FHIT: variants seen among roughly 807,000 people sequenced by gnomAD.
FHIT encodes fragile histidine triad diadenosine triphosphatase.
In FHIT, 19 loss-of-function variants were observed where a neutral mutation model predicts 17.9. The observed-to-expected ratio is 1.06, with a 90% CI of 0.74 to 1.56. FHIT has a LOEUF of 1.56. Ranked by LOEUF, FHIT falls within the 40% of genes most tolerant of loss-of-function variation. FHIT has a pLI of 0.00. For synonymous variants in FHIT, 81 were observed against 69.7 expected (o/e 1.16, Z -0.81); for missense variants, 248 against 189.2 (o/e 1.31, Z -1.82).
At chr3:60,509,034 T>C (rs1454706850) in intron 5 of FHIT, among the ~76,000 whole-genome samples, 1 of 152,166 alleles carries the variant, frequency 6.6e-6, no homozygotes, top group Non-Finnish European at 1.5e-5. Context: ...CTTCTCTTCC[T>C]ATATTCCCAC....
chr3:60,595,339 T>C (rs573685822), intron 4 of FHIT, among the ~76,000 whole-genome samples: 21 of 150,312 alleles, frequency 1.4e-4, no homozygotes, highest in African/African-American at 3.9e-4. Flanking sequence ...CAGAAGGCAA[T>C]TGTACAGGAT....
At chr3:60,140,385 A>G (rs1003400310) in intron 5 of FHIT, among the ~76,000 whole-genome samples, 1 of 152,012 alleles carries the variant, frequency 6.6e-6, no homozygotes, top group African/African-American at 2.4e-5. Context: ...TGGATCAATG[A>G]AAGTTCTCCG....
chr3:60,372,067 C>A (rs1165013448), intron 5 of FHIT, among the ~76,000 whole-genome samples: 1 of 152,122 alleles, frequency 6.6e-6, no homozygotes, highest in African/African-American at 2.4e-5. Flanking sequence ...TACATCACTG[C>A]ATTGTGGCGG....
chr3:60,260,951 C>T (rs555263024), intron 5 of FHIT, among the ~76,000 whole-genome samples: 2 of 152,102 alleles, frequency 1.3e-5, no homozygotes, highest in South Asian at 4.1e-4. Flanking sequence ...CTGGAAGTTA[C>T]ACTATATGGT....
At chr3:60,071,257 G>A (rs1240382447) in intron 5 of FHIT, among the ~76,000 whole-genome samples, 1 of 152,112 alleles carries the variant, frequency 6.6e-6, no homozygotes, top group Non-Finnish European at 1.5e-5. Context: ...GAAACAGAAG[G>A]TGAAAGAATC....
At chr3:59,932,273 A>AT (rs1205497782) in intron 7 of FHIT, among the ~76,000 whole-genome samples, 12 of 152,106 alleles carry the variant, frequency 7.9e-5, no homozygotes, top group African/African-American at 2.9e-4. Flanking sequence ...GTTATTTTTT[A>AT]TTTTTTATTT....
At chr3:59,873,491 T>G (rs1195999359) in intron 8 of FHIT, among the ~76,000 whole-genome samples, 1 of 152,222 alleles carries the variant, frequency 6.6e-6, no homozygotes, top group Non-Finnish European at 1.5e-5. Flanking sequence ...AGCCCCATTC[T>G]AATTGTTTCA....
intron 8 of FHIT, among the ~76,000 whole-genome samples, chr3:59,856,773 T>C (rs1267570380): frequency 6.6e-6 from 1 of 151,936 alleles, no homozygotes; most frequent in African/African-American, 2.4e-5. Context: ...ATTAAGGAAG[T>C]AAACAATATA....
chr3:60,434,314 A>G (rs556021100), intron 5 of FHIT, among the ~76,000 whole-genome samples: 4 of 152,148 alleles, frequency 2.6e-5, no homozygotes, highest in Non-Finnish European at 5.9e-5. Flanking sequence ...AAGTAAATCC[A>G]TATGTGAATA....
intron 5 of FHIT, among the ~76,000 whole-genome samples, chr3:60,142,900 G>C (rs145726766): frequency 1.3e-5 from 2 of 151,984 alleles, no homozygotes; most frequent in Non-Finnish European, 2.9e-5. Context: ...AACAAGATAA[G>C]AATATTTAAG....
intron 5 of FHIT, among the ~76,000 whole-genome samples, chr3:60,221,648 A>G (rs1703965711): frequency 1.3e-5 from 2 of 152,214 alleles, no homozygotes; most frequent in Admixed American, 1.3e-4. Flanking sequence ...ACTAAACCTG[A>G]AACACGGCGC....
chr3:60,108,847 G>A (rs1486598381), intron 5 of FHIT, among the ~76,000 whole-genome samples: 1 of 152,022 alleles, frequency 6.6e-6, no homozygotes, highest in Non-Finnish European at 1.5e-5. Flanking sequence ...ATTTGTAGTA[G>A]AGACGGGGTT....
At chr3:60,916,429 T>C (rs1302596873) in intron 3 of FHIT, among the ~76,000 whole-genome samples, 3 of 152,220 alleles carry the variant, frequency 2.0e-5, no homozygotes, top group Admixed American at 6.5e-5. Context: ...CAAAAGTTCA[T>C]CATTTTTCTG....
intron 7 of FHIT, among the ~76,000 whole-genome samples, chr3:60,010,981 G>A (rs1291158889): frequency 6.6e-6 from 1 of 152,182 alleles, no homozygotes; most frequent in Non-Finnish European, 1.5e-5. Context: ...AGCAAAAGCA[G>A]ACTATGTCAA....
rs1559619695 is a variant in FHIT at position 59,803,060 on chromosome 3, TAC to T, written c.349-50741_349-50740del. Among the ~76,000 whole-genome samples the T allele has an allele frequency of 2.6e-5, 4 of 152,278 alleles. No homozygotes were observed. The East Asian group carries it at 7.7e-4, about 29-fold the overall frequency. On this transcript the variant is annotated intron_variant, in intron 8 of 9. Transcript: ENST00000492590. ...CAGCGCTGCCTAGCTGAATGGTGCA[TAC>T]ATACCAGGCACGGGATGAATGTTGG...
At chr3:60,182,927 GA>G (rs891939904) in intron 5 of FHIT, among the ~76,000 whole-genome samples, 2 of 147,052 alleles carry the variant, frequency 1.4e-5, no homozygotes, top group African/African-American at 2.5e-5. Context: ...AAAAAAAAAA[GA>G]AAAAAAAGAA....
intron 5 of FHIT, among the ~76,000 whole-genome samples, chr3:60,321,320 AC>A (rs1709416873): frequency 6.6e-6 from 1 of 152,108 alleles, no homozygotes; most frequent in African/African-American, 2.4e-5. Context: ...TCTCTAAAAT[AC>A]AAAAAATAGC....
At chr3:60,403,344 C>T (rs866993926) in intron 5 of FHIT, among the ~76,000 whole-genome samples, 1 of 152,234 alleles carries the variant, frequency 6.6e-6, no homozygotes, top group South Asian at 2.1e-4. Flanking sequence ...AGTGCTTAAC[C>T]TCCTTTTCTG....
At chr3:60,017,338 C>G (rs760855357) in intron 5 of FHIT, among the ~76,000 whole-genome samples, 2 of 151,990 alleles carry the variant, frequency 1.3e-5, no homozygotes, top group Non-Finnish European at 2.9e-5. Context: ...AACAGAGAAT[C>G]GTAAGATCAA....
Sources: allele counts gnomAD v4.1 joint callset (sites outside exome capture counted in the v4.1 genomes callset), GRCh38; gene constraint gnomAD v4.1.1; transcripts MANE v1.5; gene names NCBI Gene and HGNC (gene_info 2026-07-23, HGNC 2026-07-21).